Variants in CALN1 observed in about 807,000 individuals in gnomAD.
CALN1 encodes the protein calcium-binding protein 8.
Under a neutral mutation model 30.6 loss-of-function variants are expected in CALN1, and 17 were observed. That is an observed-to-expected ratio of 0.56 (90% CI 0.38 to 0.83). The LOEUF (loss-of-function observed/expected upper bound fraction) is 0.83. CALN1 is among the 40% of genes least tolerant of loss of function. The pLI is 0.00. For synonymous variants in CALN1, 156 were observed against 131.4 expected, an observed-to-expected ratio of 1.19 and a Z score of -1.28; for missense variants, 291 against 354.9, an observed-to-expected ratio of 0.82 and a Z score of 1.45.
At chr7:71,801,428 GTATCTATCTATCTATCTATC>G (rs58500083) in intron 6 of CALN1, among the ~76,000 whole-genome samples, 2 of 87,698 alleles carry the variant, frequency 2.3e-5, no homozygotes, top group East Asian at 3.6e-4. Context: ...ATGTATGTAT[GTATCTATCTATCTATCTATC>G]TATCTATCTA....
chr7:71,947,361 T>G (rs1439671778), intron 5 of CALN1, among the ~76,000 whole-genome samples: 3 of 152,094 alleles, frequency 2.0e-5, no homozygotes, highest in Non-Finnish European at 4.4e-5. Flanking sequence ...CATCATGAAC[T>G]AAGGCAATTT....
intron 1 of CALN1, among the ~76,000 whole-genome samples, chr7:72,423,546 GTAA>G (rs1807687148): frequency 1.3e-5 from 2 of 152,300 alleles, no homozygotes; most frequent in Admixed American, 1.3e-4. Flanking sequence ...GGACACAGCA[GTAA>G]TAATAACCTT....
chr7:72,291,138 G>T (rs1798450451), intron 2 of CALN1, among the ~76,000 whole-genome samples: 1 of 152,104 alleles, frequency 6.6e-6, no homozygotes, highest in Non-Finnish European at 1.5e-5. Flanking sequence ...TGGCCAGGCT[G>T]GTTTCGAACT....
intron 5 of CALN1, among the ~76,000 whole-genome samples, chr7:71,915,342 C>T (rs1794633841): frequency 6.6e-6 from 1 of 152,104 alleles, no homozygotes; most frequent in Admixed American, 6.6e-5. Context: ...TTTTGACAAC[C>T]CCTTTCTTCT....
chr7:71,925,216 G>A (rs1342586960), intron 5 of CALN1, among the ~76,000 whole-genome samples: 4 of 152,016 alleles, frequency 2.6e-5, no homozygotes, highest in African/African-American at 7.2e-5. Flanking sequence ...ACTACAGTCT[G>A]GGCAACACAG....
At position 71,792,333 on chromosome 7, in the gene CALN1, T is replaced by A. The variant is rs532174086; in HGVS notation, c.659-4431A>T. Among the ~76,000 whole-genome samples, 4 of 152,268 alleles carry A rather than the reference T, an allele frequency of 2.6e-5. No individual in the cohort carries two copies. In the East Asian group the frequency reaches 5.8e-4, roughly 22 times the overall value. On this transcript the variant is annotated intron_variant, in intron 6 of 6. Coordinates refer to ENST00000395275, the MANE Select transcript of CALN1 (RefSeq NM_031468.4). Reference sequence around the variant, plus strand: ...GCAACCCCCAGCCCCCTCACCAGTATGATACTTGTGAATTATTTCGCCATG... The same window carrying A: ...GCAACCCCCAGCCCCCTCACCAGTAAGATACTTGTGAATTATTTCGCCATG...
At chr7:71,920,864 C>G (rs1447418134) in intron 5 of CALN1, among the ~76,000 whole-genome samples, 1 of 152,078 alleles carries the variant, frequency 6.6e-6, no homozygotes, top group African/African-American at 2.4e-5. Flanking sequence ...TCCCATTACC[C>G]AAAAGATTAT....
At chr7:71,973,402 C>T (rs1797947576) in intron 5 of CALN1, among the ~76,000 whole-genome samples, 1 of 152,168 alleles carries the variant, frequency 6.6e-6, no homozygotes, top group South Asian at 2.1e-4. Context: ...TCTCAAACTC[C>T]TGACCTCAGG....
At chr7:72,050,509 T>C (rs750285431) in intron 4 of CALN1, among the ~76,000 whole-genome samples, 1 of 151,958 alleles carries the variant, frequency 6.6e-6, no homozygotes, top group Non-Finnish European at 1.5e-5. Context: ...CCAAAGAAAC[T>C]AGGATTTAAT....
chr7:72,023,594 C>T, intron 5 of CALN1, 63 bp downstream of exon 5: 1 of 1,245,348 alleles, frequency 8.0e-7, no homozygotes, highest in Non-Finnish European at 1.2e-6. Context: ...AGAATTCAGT[C>T]AAAAGTTAGT....
intron 5 of CALN1, among the ~76,000 whole-genome samples, chr7:71,891,629 A>G (rs910334421): frequency 6.6e-6 from 1 of 152,214 alleles, no homozygotes; most frequent in African/African-American, 2.4e-5. Context: ...CAGAATTTGT[A>G]AAGTGCTTTC....
Position 71,958,857 on chromosome 7 carries a change from T to A in CALN1, c.501+64800A>T, listed in dbSNP as rs569144270. On this transcript the variant is annotated intron_variant, in intron 5 of 6. Transcript: ENST00000395275. Reference sequence around the variant, plus strand: ...ATCACTGCTACCTTAACAGACTGAGTCTCCCACCCAGCCTCACAACAGACA... The same window carrying A: ...ATCACTGCTACCTTAACAGACTGAGACTCCCACCCAGCCTCACAACAGACA... Among the ~76,000 whole-genome samples, 3 of 152,164 alleles carry A rather than the reference T, an allele frequency of 2.0e-5. No homozygotes were observed. The South Asian group carries it at 6.2e-4, about 32-fold the overall frequency.
At chr7:71,812,336 TAA>T in intron 5 of CALN1, among the ~76,000 whole-genome samples, 2 of 152,274 alleles carry the variant, frequency 1.3e-5, no homozygotes, top group Admixed American at 1.3e-4. Flanking sequence ...ACCAAAATTC[TAA>T]AAGACAATGT....
intron 5 of CALN1, among the ~76,000 whole-genome samples, chr7:71,842,589 A>G (rs1390230708): frequency 6.6e-6 from 1 of 152,226 alleles, no homozygotes; most frequent in Non-Finnish European, 1.5e-5. Context: ...GAATCCAGCC[A>G]GAGAAATACA....
In CALN1 at chr7:72,230,067, G is replaced by C. The variant is rs189561733; in HGVS notation, c.244+48619C>G. Among the ~76,000 whole-genome samples the C allele has an allele frequency of 5.7e-3, 870 of 152,076 alleles. 12 individuals are homozygous for C. The highest frequency in any genetic ancestry group is 8.8e-3 in the Non-Finnish European group (597 of 67,970). ...GAGGCAGGGGAATGGCGTGAACCCAGGAGGCAGAGCTTGCAGTGAGCCGAG... is the reference window on the plus strand; with the variant it reads ...GAGGCAGGGGAATGGCGTGAACCCACGAGGCAGAGCTTGCAGTGAGCCGAG... On this transcript the variant is annotated intron_variant, in intron 3 of 6. Transcript: ENST00000395275.
At chr7:72,016,998 C>CA (rs754201004) in intron 5 of CALN1, among the ~76,000 whole-genome samples, 557 of 31,952 alleles carry the variant, frequency 0.017, 18 homozygotes, top group South Asian at 0.044. Flanking sequence ...ACTAAAAATA[C>CA]AAAAAAAAAA....
chr7:72,494,770 G>A, the CALN1 span, among the ~76,000 whole-genome samples: 1 of 152,092 alleles, frequency 6.6e-6, no homozygotes, highest in Non-Finnish European at 1.5e-5. Flanking sequence ...AGGAGGCTGA[G>A]GAGGAAAGAT....
At chr7:71,991,291 T>G (rs1798938312) in intron 5 of CALN1, among the ~76,000 whole-genome samples, 1 of 152,128 alleles carries the variant, frequency 6.6e-6, no homozygotes, top group Non-Finnish European at 1.5e-5. Context: ...AAACCCCGTC[T>G]CTACTAAAAA....
intron 4 of CALN1, among the ~76,000 whole-genome samples, chr7:72,101,715 C>G (rs575953206): frequency 2.0e-4 from 30 of 152,290 alleles, no homozygotes; most frequent in African/African-American, 7.2e-4. Context: ...AACTGGCCTG[C>G]AGGCCAAGCA....
Sources: gnomAD v4.1 joint callset for allele counts (sites outside exome capture counted in the v4.1 genomes callset) on GRCh38, gnomAD v4.1.1 for gene constraint, MANE v1.5 for transcripts, NCBI Gene and HGNC (gene_info 2026-07-23, HGNC 2026-07-21) for gene names.